Variants in TMEM131L observed in about 807,000 individuals in gnomAD.
TMEM131L encodes the protein transmembrane protein 131-like.
TMEM131L carries 54 observed loss-of-function variants against 192.2 expected under a neutral mutation model. The ratio of observed to expected loss-of-function variants is 0.28; its 90% confidence interval spans 0.23 to 0.35. TMEM131L has a LOEUF of 0.35. Among genes scored for constraint, TMEM131L ranks in the 10% least tolerant of loss-of-function variants. The probability of loss-of-function intolerance (pLI) is 1.00; values close to 1 mark genes in which losing one functional copy is unlikely to be tolerated. For missense variants in TMEM131L, 1,888 were observed against 1,972.9 expected, an observed-to-expected ratio of 0.96 and a Z score of 0.82; for synonymous variants, 701 against 704.9, an observed-to-expected ratio of 0.99 and a Z score of 0.09.
At chr4:153,528,406 GTTTTAATA>G (rs1189002483) in intron 3 of TMEM131L, among the ~76,000 whole-genome samples, 1 of 152,180 alleles carries the variant, frequency 6.6e-6, no homozygotes, top group Non-Finnish European at 1.5e-5. Context: ...AAGCGTACCA[GTTTTAATA>G]TAGAGTGTGA....
intron 21 of TMEM131L, among the ~76,000 whole-genome samples, chr4:153,601,560 A>G (rs1015112666): frequency 1.3e-5 from 2 of 152,214 alleles, no homozygotes; most frequent in Non-Finnish European, 2.9e-5. Flanking sequence ...ACCAGATAAA[A>G]TATTAGTCCT....
intron 3 of TMEM131L, among the ~76,000 whole-genome samples, chr4:153,474,758 G>T (rs931355808): frequency 2.0e-5 from 3 of 152,102 alleles, no homozygotes; most frequent in African/African-American, 7.2e-5. Context: ...GTTTCTCCAT[G>T]CTAGCCAGGC....
chr4:153,481,143 C>T (rs1181520303), intron 3 of TMEM131L, among the ~76,000 whole-genome samples: 3 of 152,154 alleles, frequency 2.0e-5, no homozygotes, highest in Admixed American at 1.3e-4. Flanking sequence ...TTCACCTGGG[C>T]TCTCTTTTTT....
At chr4:153,553,784 A>G (rs543431629) in intron 4 of TMEM131L, among the ~76,000 whole-genome samples, 1 of 152,358 alleles carries the variant, frequency 6.6e-6, no homozygotes, top group South Asian at 2.1e-4. Context: ...GTCCTGAGAT[A>G]AAAAGTGCTA....
At chr4:153,510,269 A>T (rs1734265588) in intron 3 of TMEM131L, among the ~76,000 whole-genome samples, 1 of 152,104 alleles carries the variant, frequency 6.6e-6, no homozygotes, top group South Asian at 2.1e-4. Context: ...ACTTGGAGGC[A>T]CTTGAAGATG....
chr4:153,570,114 TG>T (rs1561200964), intron 7 of TMEM131L, among the ~76,000 whole-genome samples: 1 of 152,210 alleles, frequency 6.6e-6, no homozygotes, highest in Non-Finnish European at 1.5e-5. Context: ...AGAATGTGCG[TG>T]GTTTCCCCAC....
intron 17 of TMEM131L, among the ~76,000 whole-genome samples, chr4:153,591,867 C>G (rs997474332): frequency 3.9e-5 from 6 of 152,042 alleles, no homozygotes; most frequent in Admixed American, 3.3e-4. Flanking sequence ...AAAAGAAAAT[C>G]AGGAGCTTGC....
Position 153,627,648 on chromosome 4 carries a change from A to T in TMEM131L, c.4168A>T (p.Ser1390Cys). 6.2e-7 allele frequency: 1 copy of T among 1,614,116 alleles called. No homozygotes were observed. The highest frequency in any genetic ancestry group is 1.3e-5 in the African/African-American group (1 of 75,044). Residue 1390 changes from serine (S) to cysteine (C), a missense_variant, in exon 31 of 35, where the codon AGC becomes TGC. Coordinates refer to ENST00000409959, the MANE Select transcript of TMEM131L (RefSeq NM_001131007.2). ...LPQYAEPSCPSLPAGPTGVEE... is the reference protein window; with the variant it reads ...LPQYAEPSCPCLPAGPTGVEE... ...ACAATACGCAGAGCCTTCCTGTCCC[A>T]GCCTTCCTGCCGGGCCCACAGGTGT...
At chr4:153,601,359 C>T (rs895904380) in intron 21 of TMEM131L, among the ~76,000 whole-genome samples, 1 of 151,990 alleles carries the variant, frequency 6.6e-6, no homozygotes, top group African/African-American at 2.4e-5. Flanking sequence ...TAGTGAGCCC[C>T]ATCTCTACAA....
At chr4:153,551,717 A>G (rs956777811) in intron 4 of TMEM131L, among the ~76,000 whole-genome samples, 1 of 152,166 alleles carries the variant, frequency 6.6e-6, no homozygotes, top group Non-Finnish European at 1.5e-5. Flanking sequence ...TAAAGGGAAG[A>G]AGAGAAAACT....
Position 153,570,001 on chromosome 4 carries a change from GTTTTTATTTTATTTTATTTTA to G in TMEM131L, c.661-10813_661-10793del, listed in dbSNP as rs1307729683. Reference sequence around the variant, plus strand: ...AATTTGAAGTCCTCTTCAATTTCTTGTTTTTATTTTATTTTATTTTATTTTTATTTTAATCAGAAGTTCTCC... The same window carrying G: ...AATTTGAAGTCCTCTTCAATTTCTTGTTTTTATTTTAATCAGAAGTTCTCC... On this transcript the variant is annotated intron_variant, in intron 7 of 34. Coordinates refer to ENST00000409959, the MANE Select transcript of TMEM131L (RefSeq NM_001131007.2). Among the ~76,000 whole-genome samples the G allele has an allele frequency of 2.0e-5, 3 of 150,966 alleles. No homozygotes were observed. In the East Asian group the frequency reaches 5.8e-4, roughly 29 times the overall value.
In TMEM131L at chr4:153,590,176, T is replaced by C. The variant is rs1354257641; in HGVS notation, c.1671-877T>C. On this transcript the variant is annotated intron_variant, in intron 16 of 34. Coordinates refer to ENST00000409959, the MANE Select transcript of TMEM131L (RefSeq NM_001131007.2). ...GCATTTGGTTGTCTTGTTTTCTTAG[T>C]TTTCTTTAGACTAGTGTTCCTACCT... Among the ~76,000 whole-genome samples, 12 of 152,240 alleles carry C rather than the reference T, an allele frequency of 7.9e-5. No homozygotes were observed. The East Asian group carries it at 2.3e-3, about 29-fold the overall frequency.
chr4:153,539,750 T>A (rs1334923371), intron 3 of TMEM131L, among the ~76,000 whole-genome samples: 1 of 152,000 alleles, frequency 6.6e-6, no homozygotes. Context: ...GCAATCTTGT[T>A]AACATTCTTT....
chr4:153,585,513 A>T lies in TMEM131L; in HGVS notation c.1213A>T (p.Thr405Ser). ...GTTTCACATAGAGACTCATGAGAAC[A>T]CATCAGGACTTTGGTCAATATGGTA... ...TQFHIETHEN[T>S]SGLWSIWYRN... Residue 405 changes from threonine (T) to serine (S), a missense_variant, in exon 13 of 35, where the codon ACA (threonine) becomes TCA (serine). Transcript: ENST00000409959. The T allele has an allele frequency of 6.2e-7, 1 of 1,614,034 alleles. No homozygotes were observed. Among genetic ancestry groups the T allele is most frequent in the South Asian group, 1.1e-5 (1 of 91,064 alleles).
intron 25 of TMEM131L, 145 bp from the exon 26 acceptor site, chr4:153,612,107 T>C (rs1172023849): frequency 7.6e-6 from 4 of 526,594 alleles, no homozygotes; most frequent in Non-Finnish European, 1.3e-5. Context: ...CAAAATAAAT[T>C]TCTAGAGCAT....
At chr4:153,499,574 G>A (rs183898613) in intron 3 of TMEM131L, among the ~76,000 whole-genome samples, 55 of 152,054 alleles carry the variant, frequency 3.6e-4, no homozygotes, top group Non-Finnish European at 7.1e-4. Flanking sequence ...CTACAGGCAC[G>A]CGCCACCATG....
chr4:153,509,599 G>T (rs1734217178), intron 3 of TMEM131L, among the ~76,000 whole-genome samples: 1 of 151,826 alleles, frequency 6.6e-6, no homozygotes. Context: ...GATGGCACAT[G>T]CCTGTAGTCC....
chr4:153,468,749 C>A (rs1318564346), intron 2 of TMEM131L, among the ~76,000 whole-genome samples: 1 of 152,016 alleles, frequency 6.6e-6, no homozygotes, highest in Non-Finnish European at 1.5e-5. Context: ...CCCTCTCCCC[C>A]ACCCCCTCCT....
chr4:153,530,640 A>G (rs1735826136), intron 3 of TMEM131L, among the ~76,000 whole-genome samples: 1 of 152,062 alleles, frequency 6.6e-6, no homozygotes, highest in South Asian at 2.1e-4. Flanking sequence ...AGCACATTTC[A>G]CTCATGCAAG....
Sources: allele counts gnomAD v4.1 joint callset (sites outside exome capture counted in the v4.1 genomes callset), GRCh38; gene constraint gnomAD v4.1.1; transcripts MANE v1.5; gene names NCBI Gene and HGNC (gene_info 2026-07-23, HGNC 2026-07-21).